POGLUT1: variants seen among roughly 807,000 people sequenced by gnomAD.
POGLUT1 encodes the protein protein O-glucosyltransferase 1, also known as 9630046K23Rik.
A neutral mutation model predicts 61.3 loss-of-function variants in POGLUT1; 32 were observed. The ratio of observed to expected loss-of-function variants is 0.52; its 90% CI spans 0.39 to 0.70. The LOEUF (loss-of-function observed/expected upper bound fraction) is 0.70. Among genes scored for constraint, POGLUT1 ranks in the 30% least tolerant of loss-of-function variants. The probability of loss-of-function intolerance (pLI) is 0.00; values close to 1 mark genes in which losing one functional copy is unlikely to be tolerated. For missense variants in POGLUT1, 411 were observed against 469.8 expected, an observed-to-expected ratio of 0.87 and a Z score of 1.16; for synonymous variants, 158 against 158.2, an observed-to-expected ratio of 1.00 and a Z score of 0.01.
chr3:119,485,811 T>C (rs1021071734), intron 6 of POGLUT1, among the ~76,000 whole-genome samples: 4 of 152,042 alleles, frequency 2.6e-5, no homozygotes, highest in Non-Finnish European at 5.9e-5. Flanking sequence ...TGCCAAATAG[T>C]GGTTAAGAGC....
intron 5 of POGLUT1, among the ~76,000 whole-genome samples, chr3:119,482,895 C>T (rs2081621791): frequency 6.6e-6 from 1 of 152,118 alleles, no homozygotes; most frequent in Admixed American, 6.5e-5. Context: ...GGGGTAGCAC[C>T]AGGCTGTGGT....
Position 119,469,885 on chromosome 3 carries a change from A to G in POGLUT1, c.151A>G (p.Ser51Gly). 6.2e-7 allele frequency: 1 copy of G among 1,605,102 alleles called. No individual in the cohort carries two copies. Among genetic ancestry groups the G allele is most frequent in the South Asian group, 1.1e-5 (1 of 90,906 alleles). ...TTTGGAGAATTACGAACCATGTTCA[A>G]GTCAAAACTGCAGCTGCTACCATGG... Reference protein sequence around the residue: ...RSLENYEPCSSQNCSCYHGVI... With the variant: ...RSLENYEPCSGQNCSCYHGVI... The change falls in exon 2 of 11, where the codon AGT (serine) becomes GGT (glycine). Residue 51 changes from serine (S) to glycine (G), a missense_variant. Transcript: ENST00000295588.
intron 3 of POGLUT1, among the ~76,000 whole-genome samples, chr3:119,474,164 A>T (rs1446374786): frequency 6.6e-6 from 1 of 152,268 alleles, no homozygotes; most frequent in African/African-American, 2.4e-5. Context: ...CATATAAAGT[A>T]TACAATGTAA....
intron 10 of POGLUT1, 69 bp from the exon 11 acceptor site, chr3:119,492,213 C>T (rs2081757575): frequency 1.3e-5 from 15 of 1,184,148 alleles, no homozygotes; most frequent in Non-Finnish European, 1.2e-6. Context: ...AAGGTGAGCA[C>T]TCAAATGCAG....
intron 3 of POGLUT1, among the ~76,000 whole-genome samples, chr3:119,472,500 T>G (rs1480631756): frequency 6.6e-6 from 1 of 152,188 alleles, no homozygotes; most frequent in African/African-American, 2.4e-5. Flanking sequence ...GCGGATCACT[T>G]GAAGTCGGGA....
At position 119,485,344 on chromosome 3, in the gene POGLUT1, C is replaced by A. The variant is rs866489520; in HGVS notation, c.595C>A (p.Pro199Thr). Residue 199 changes from proline (P) to threonine (T), a missense_variant, in exon 6 of 11, where the codon CCA becomes ACA. Pro to Thr is a conservative substitution (Grantham distance 38). Coordinates refer to ENST00000295588, the MANE Select transcript of POGLUT1 (RefSeq NM_152305.3). ...TATTCTTAGGTCAGCAGCACAGTGG[C>A]CATGGAAAAAGAAAAACTCTACAGC... ...EDLVRSAAQW[P>T]WKKKNSTAYF... 1 of 1,603,906 alleles carries A rather than the reference C, an allele frequency of 6.2e-7. No homozygotes were observed. The highest frequency in any genetic ancestry group is 8.5e-7 in the Non-Finnish European group (1 of 1,171,226).
intron 4 of POGLUT1, among the ~76,000 whole-genome samples, chr3:119,479,255 A>G (rs1290111682): frequency 1.3e-5 from 2 of 152,134 alleles, no homozygotes; most frequent in Non-Finnish European, 1.5e-5. Context: ...AAGATATGTG[A>G]TAACACCCCT....
At position 119,492,383 on chromosome 3, in the gene POGLUT1, C is replaced by T. The variant is rs748170466; in HGVS notation, c.1124C>T (p.Thr375Met). The T allele has an allele frequency of 4.6e-5, 74 of 1,605,152 alleles. No individual in the cohort carries two copies. The East Asian group carries it at 5.4e-4, about 12-fold the overall frequency. The stretch of plus-strand genomic sequence containing the variant: ...TCTAAATTCCTGTCTTATAATGTAA[C>T]GAGAAGGAAAGGTTATGATCAAATT... The part of the protein sequence containing the change: ...EYSKFLSYNV[T>M]RRKGYDQIIP... Residue 375 changes from threonine (T) to methionine (M), a missense_variant, in exon 11 of 11, where the codon ACG becomes ATG. Physicochemically the swap from Thr to Met is moderately conservative, Grantham distance 81. Transcript: ENST00000295588.
At position 119,477,827 on chromosome 3, in the gene POGLUT1, G is replaced by T. The variant is rs573546669; in HGVS notation, c.456+379G>T. On this transcript the variant is annotated intron_variant, in intron 4 of 10. Transcript: ENST00000295588. ...CAAAAGTTTGTTGAGCTCCTACTAT[G>T]TATATATTCAGCCATAGTGCTGGGT... Among the ~76,000 whole-genome samples the T allele has an allele frequency of 2.0e-3, 300 of 152,286 alleles. 1 individual carries two copies. The highest frequency in any genetic ancestry group is 3.4e-3 in the Non-Finnish European group (232 of 68,026).
At chr3:119,483,841 C>T (rs1235387543) in intron 5 of POGLUT1, among the ~76,000 whole-genome samples, 1 of 152,166 alleles carries the variant, frequency 6.6e-6, no homozygotes, top group Non-Finnish European at 1.5e-5. Flanking sequence ...CCAAATGTCC[C>T]CTGGGTGGGA....
chr3:119,491,472 A>C, intron 9 of POGLUT1, 46 bp from the exon 10 acceptor site: 1 of 890,080 alleles, frequency 1.1e-6, no homozygotes, highest in Non-Finnish European at 1.8e-6. Context: ...CTTAGTGCCA[A>C]TGAAGTTGGT....
intron 5 of POGLUT1, among the ~76,000 whole-genome samples, chr3:119,481,505 G>T (rs1470385077): frequency 6.6e-6 from 1 of 152,214 alleles, no homozygotes; most frequent in Non-Finnish European, 1.5e-5. Context: ...CCCAAGTGTG[G>T]CTGAAGATTC....
chr3:119,476,485 G>A (rs2081539495), intron 3 of POGLUT1, among the ~76,000 whole-genome samples: 1 of 149,224 alleles, frequency 6.7e-6, no homozygotes, highest in Non-Finnish European at 1.5e-5. Context: ...ATTGCCTACT[G>A]TGTCACTATG....
intron 1 of POGLUT1, among the ~76,000 whole-genome samples, chr3:119,469,592 T>C (rs963700227): frequency 2.6e-5 from 4 of 152,212 alleles, no homozygotes; most frequent in Admixed American, 2.0e-4. Flanking sequence ...GCATTAAGCT[T>C]GGGAATTTTC....
intron 3 of POGLUT1, among the ~76,000 whole-genome samples, chr3:119,475,993 CAAACACAT>C (rs370277714): frequency 0.099 from 11,862 of 119,654 alleles, 562 homozygotes; most frequent in East Asian, 0.2. Flanking sequence ...CACACACACA[CAAACACAT>C]ACAGAGTTGC....
chr3:119,471,790 T>C, intron 3 of POGLUT1: 1 of 327,664 alleles, frequency 3.1e-6, no homozygotes, highest in Admixed American at 4.7e-5. Flanking sequence ...GGAAGAGGAA[T>C]TGGTTGAATG....
At chr3:119,486,730 G>A in intron 6 of POGLUT1, 103 bp from the exon 7 acceptor site, 1 of 794,188 alleles carries the variant, frequency 1.3e-6, no homozygotes, top group Non-Finnish European at 2.2e-6. Context: ...GTCCACTTGT[G>A]CAGAGTCATT....
In POGLUT1 at chr3:119,469,057, G is replaced by T; in HGVS notation, c.36G>T (p.Trp12Cys). 6.2e-7 allele frequency: 1 copy of T among 1,609,610 alleles called. No individual in the cohort carries two copies. ...EWWASSPLRL[W>C]LLLFLLPSAQ... Reference sequence around the variant, plus strand: ...GGGCTAGCTCGCCGCTTCGGCTCTGGCTGCTGTTGTTCCTCCTGCCCTCAG... The same window carrying T: ...GGGCTAGCTCGCCGCTTCGGCTCTGTCTGCTGTTGTTCCTCCTGCCCTCAG... The change falls in exon 1 of 11, where the codon TGG becomes TGT. Residue 12 changes from tryptophan to cysteine, a missense_variant. Transcript: ENST00000295588.
chr3:119,479,713 A>G (rs537516245), intron 4 of POGLUT1, among the ~76,000 whole-genome samples: 2 of 152,380 alleles, frequency 1.3e-5, no homozygotes, highest in South Asian at 2.1e-4. Context: ...TAGTTAAACA[A>G]TGAGAGAGCT....
Sources: gnomAD v4.1 joint callset for allele counts (sites outside exome capture counted in the v4.1 genomes callset) on GRCh38, gnomAD v4.1.1 for gene constraint, MANE v1.5 for transcripts, NCBI Gene and HGNC (gene_info 2026-07-23, HGNC 2026-07-21) for gene names.